The following PCDHGA4 variants were observed in gnomAD, a reference collection of about 807,000 sequenced individuals.
The protein encoded by PCDHGA4 is protocadherin gamma-A4.
PCDHGA4 carries 38 observed loss-of-function variants against 54.6 expected under a neutral mutation model. That is an observed-to-expected ratio of 0.70 (90% CI 0.54 to 0.91). The LOEUF is 0.91. PCDHGA4 is among the 40% of genes least tolerant of loss of function. PCDHGA4 has a pLI of 0.00. For synonymous variants in PCDHGA4, 511 were observed against 512.9 expected, an observed-to-expected ratio of 1.00 and a Z score of 0.05; for missense variants, 1,298 against 1,220.9, an observed-to-expected ratio of 1.06 and a Z score of -0.94.
intron 1 of PCDHGA4, among the ~76,000 whole-genome samples, chr5:141,466,884 T>G (rs901947336): frequency 2.6e-5 from 4 of 152,212 alleles, no homozygotes; most frequent in Admixed American, 1.3e-4. Flanking sequence ...TTTCATAATA[T>G]GCATTTTCCA....
intron 1 of PCDHGA4, chr5:141,417,772 C>G: frequency 6.9e-7 from 1 of 1,456,320 alleles, no homozygotes; most frequent in East Asian, 2.5e-5. Context: ...GGGACTCCTC[C>G]TGTCCTGGGC....
At chr5:141,365,163 CCTA>C in intron 1 of PCDHGA4, 2 of 1,613,918 alleles carry the variant, frequency 1.2e-6, no homozygotes, top group Non-Finnish European at 1.7e-6. Flanking sequence ...GGGAAATTGA[CCTA>C]CTCTTTTCGC....
At chr5:141,408,769 C>T in intron 1 of PCDHGA4, 1 of 1,611,166 alleles carries the variant, frequency 6.2e-7, no homozygotes, top group Non-Finnish European at 8.5e-7. Context: ...CCGATGGTGG[C>T]AAATACCCAG....
At chr5:141,466,325 C>T (rs1252026939) in intron 1 of PCDHGA4, among the ~76,000 whole-genome samples, 3 of 152,108 alleles carry the variant, frequency 2.0e-5, no homozygotes, top group African/African-American at 7.2e-5. Context: ...CACATGCTAC[C>T]ATGCCTGGAT....
intron 3 of PCDHGA4, 110 bp from the exon 4 acceptor site, chr5:141,510,837 G>A (rs969654751): frequency 1.3e-6 from 2 of 1,586,392 alleles, no homozygotes; most frequent in Non-Finnish European, 8.6e-7. Context: ...GCTCAGCGTG[G>A]TCAAGGCCCA....
intron 1 of PCDHGA4, chr5:141,415,641 T>TAA (rs113784532): frequency 8.4e-5 from 108 of 1,280,644 alleles, no homozygotes; most frequent in African/African-American, 8.0e-4. Flanking sequence ...TTACTTTTGT[T>TAA]AAAAAAAAAA....
At chr5:141,394,395 C>A (rs1238779909) in intron 1 of PCDHGA4, 3 of 1,614,146 alleles carry the variant, frequency 1.9e-6, no homozygotes, top group African/African-American at 1.3e-5. Context: ...GATCCGAGAC[C>A]TGCAGCTACT....
intron 1 of PCDHGA4, chr5:141,392,442 A>C (rs1355396676): frequency 1.2e-5 from 2 of 161,844 alleles, no homozygotes; most frequent in East Asian, 3.6e-4. Context: ...TGTTTCTTTT[A>C]AAATATGGGT....
At chr5:141,383,028 CT>C (rs1561593940) in intron 1 of PCDHGA4, 2 of 1,613,814 alleles carry the variant, frequency 1.2e-6, no homozygotes, top group Non-Finnish European at 1.7e-6. Context: ...ACAAAGGGTC[CT>C]TTGTGGGAGA....
Position 141,423,433 on chromosome 5 carries a change from A to G in PCDHGA4, c.2514+65812A>G, listed in dbSNP as rs746170494. ...GGCTTCTGAAGGCGGGTTGGCAGGT[A>G]TGCCCACGTCACATTTTGTAGGCGT... On this transcript the variant is annotated intron_variant, in intron 1 of 3. Coordinates refer to ENST00000571252, the MANE Select transcript of PCDHGA4 (RefSeq NM_018917.4). 3.1e-6 allele frequency: 5 copies of G among 1,614,010 alleles called. No homozygotes were observed. The East Asian group carries it at 8.9e-5, about 29-fold the overall frequency.
At chr5:141,418,149 AAG>A (rs768024698) in intron 1 of PCDHGA4, 1 of 1,613,982 alleles carries the variant, frequency 6.2e-7, no homozygotes, top group Non-Finnish European at 8.5e-7. Flanking sequence ...CAAATATGCA[AAG>A]AGAGAAGAAG....
chr5:141,480,074 A>G (rs976924380), intron 1 of PCDHGA4, among the ~76,000 whole-genome samples: 5 of 152,196 alleles, frequency 3.3e-5, no homozygotes, highest in Non-Finnish European at 7.3e-5. Flanking sequence ...TATAAGATTC[A>G]TGCATGATAT....
intron 1 of PCDHGA4, chr5:141,415,110 C>A: frequency 6.2e-7 from 1 of 1,613,666 alleles, no homozygotes; most frequent in Middle Eastern, 1.7e-4. Flanking sequence ...TCAAGCAAAG[C>A]CTCGTAGTGG....
In PCDHGA4 at chr5:141,505,380, A is replaced by C; in HGVS notation, c.2574-13A>C. On this transcript the variant is annotated splice_polypyrimidine_tract_variant and intron_variant, in intron 2 of 3. Coordinates refer to ENST00000571252, the MANE Select transcript of PCDHGA4 (RefSeq NM_018917.4). ...CCTGGGAGTCTGTGCTCACCATCCT[A>C]CTCTCTCCCCAGCTCCCAAAATGGC... 1 of 1,613,480 alleles carries C rather than the reference A, an allele frequency of 6.2e-7. No homozygotes were observed. Among genetic ancestry groups the C allele is most frequent in the Non-Finnish European group, 8.5e-7 (1 of 1,179,856 alleles).
chr5:141,433,001 G>T, intron 1 of PCDHGA4: 1 of 1,614,156 alleles, frequency 6.2e-7, no homozygotes, highest in African/African-American at 1.3e-5. Flanking sequence ...CGGGGTGCAG[G>T]CTTTCCTGCA....
In PCDHGA4 at chr5:141,432,255, C is replaced by T. The variant is rs1561859576; in HGVS notation, c.2515-62552C>T. The T allele has an allele frequency of 6.2e-7, 1 of 1,614,246 alleles. No individual in the cohort carries two copies. The highest frequency in any genetic ancestry group is 8.5e-7 in the Non-Finnish European group (1 of 1,180,048). On this transcript the variant is annotated intron_variant, in intron 1 of 3. Transcript: ENST00000571252. This position sits in a 1 kb window ranked among gnomAD's most constrained non-coding sequence, Gnocchi z 6.0. The stretch of plus-strand genomic sequence containing the variant: ...CTGGCTGAGAACACCATCCAAGGGG[C>T]AAGCCTATCGTCCTACGTGTCCATC...
At chr5:141,383,871 T>C (rs1490693086) in intron 1 of PCDHGA4, 1 of 1,613,852 alleles carries the variant, frequency 6.2e-7, no homozygotes, top group African/African-American at 1.3e-5. Flanking sequence ...CTCAAGATGG[T>C]CCTGGTAGTC....
Position 141,432,691 on chromosome 5 carries a change from G to A in PCDHGA4, c.2515-62116G>A, listed in dbSNP as rs1308174141. Reference sequence around the variant, plus strand: ...ACGCGCTCAAGCAGAGCCTCGTAGTGGCCGTCCAGGACCACGGCCAGCCCC... The same window carrying A: ...ACGCGCTCAAGCAGAGCCTCGTAGTAGCCGTCCAGGACCACGGCCAGCCCC... On this transcript the variant is annotated intron_variant, in intron 1 of 3. Transcript: ENST00000571252. The surrounding 1 kb of genome is among the most constrained non-coding windows in gnomAD (Gnocchi z 6.0). 1 of 1,613,942 alleles carries A rather than the reference G, an allele frequency of 6.2e-7. No individual in the cohort carries two copies. Among genetic ancestry groups the A allele is most frequent in the South Asian group, 1.1e-5 (1 of 91,068 alleles).
chr5:141,420,910 G>T, intron 1 of PCDHGA4: 1 of 311,900 alleles, frequency 3.2e-6, no homozygotes, highest in South Asian at 7.0e-5. Context: ...ACAAATACGT[G>T]TGATTCACAA....
Sources: allele counts gnomAD v4.1 joint callset (sites outside exome capture counted in the v4.1 genomes callset), GRCh38; gene constraint gnomAD v4.1.1; non-coding constraint Gnocchi (gnomAD v3.1); transcripts MANE v1.5; gene names NCBI Gene and HGNC (gene_info 2026-07-23, HGNC 2026-07-21).